Variants in NHLRC2 observed in about 807,000 individuals in gnomAD.
The protein encoded by NHLRC2 is NHL repeat containing 2.
NHLRC2 carries 33 observed loss-of-function variants against 68.1 expected under a neutral mutation model. That is an observed-to-expected ratio of 0.48 (90% CI 0.37 to 0.65). NHLRC2 has a LOEUF of 0.65. Ranked by LOEUF, NHLRC2 falls within the 30% of genes least tolerant of loss-of-function variation. The pLI is 0.00. For synonymous variants in NHLRC2, 311 were observed against 309.6 expected, an observed-to-expected ratio of 1.00 and a Z score of -0.05; for missense variants, 761 against 853.8, an observed-to-expected ratio of 0.89 and a Z score of 1.35.
chr10:113,872,291 C>T (rs982996818), intron 2 of NHLRC2, among the ~76,000 whole-genome samples: 1 of 151,994 alleles, frequency 6.6e-6, no homozygotes, highest in African/African-American at 2.4e-5. Context: ...TATATCAACC[C>T]CTCCTTACAC....
At chr10:113,855,634 G>GTTGTT (rs370457817) in intron 1 of NHLRC2, among the ~76,000 whole-genome samples, 7,405 of 151,182 alleles carry the variant, frequency 0.049, 374 homozygotes, top group African/African-American at 0.12. Context: ...CGCCTGGCTA[G>GTTGTT]TTGTTTTGTT....
At chr10:113,879,465 C>T in intron 3 of NHLRC2, 109 bp from the exon 4 acceptor site, 2 of 951,416 alleles carry the variant, frequency 2.1e-6, no homozygotes, top group East Asian at 2.8e-5. Context: ...TTTAGATGGA[C>T]ATACCATTTT....
At position 113,908,651 on chromosome 10, in the gene NHLRC2, G is replaced by T. The variant is rs1233817855; in HGVS notation, c.*115G>T. On this transcript the variant is annotated 3_prime_UTR_variant, in exon 11 of 11. Transcript: ENST00000369301. ...GCCTCTGGATACCAAGATGCCCATT[G>T]CTCAGTTCAGACAACTGATATTAAA... The T allele has an allele frequency of 1.1e-6, 1 of 888,004 alleles. No individual in the cohort carries two copies. Among genetic ancestry groups the T allele is most frequent in the Non-Finnish European group, 1.7e-6 (1 of 573,872 alleles). 55.0% of individuals were successfully genotyped at this position (888,004 alleles called of 1,614,324 possible). A position where few individuals can be genotyped will look rare whatever the true frequency, so the allele number is the denominator to read the frequency against.
At chr10:113,855,514 C>T (rs1275663778) in intron 1 of NHLRC2, among the ~76,000 whole-genome samples, 1 of 151,978 alleles carries the variant, frequency 6.6e-6, no homozygotes, top group Admixed American at 6.6e-5. Context: ...GTCTCCCAGG[C>T]TGGAGTACAG....
At chr10:113,904,353 AAC>A (rs1425998815) in intron 9 of NHLRC2, among the ~76,000 whole-genome samples, 3 of 152,152 alleles carry the variant, frequency 2.0e-5, no homozygotes, top group South Asian at 2.1e-4. Context: ...AAAAAAATGC[AAC>A]AGTTTTTTTC....
chr10:113,913,940 C>G lies in NHLRC2; in HGVS notation c.*5404C>G, dbSNP rs563947732. ...TCAGCTCACTGCAGGCTCCACCTAC[C>G]GGGTTCAAGTGATCCTCCTGCCTCA... On this transcript the variant is annotated 3_prime_UTR_variant, in exon 11 of 11. Transcript: ENST00000369301. The G allele has an allele frequency of 1.3e-5, 2 of 150,594 alleles. No individual in the cohort carries two copies. The highest frequency in any genetic ancestry group is 3.0e-5 in the Non-Finnish European group (2 of 67,748). The allele number at this position is 150,594 out of a possible 1,614,324, so 9.3% of individuals were successfully genotyped here. A position where few individuals can be genotyped will look rare whatever the true frequency, so the allele number is the denominator to read the frequency against.
At position 113,870,374 on chromosome 10, in the gene NHLRC2, T is replaced by A. The variant is rs572469995; in HGVS notation, c.332-6147T>A. On this transcript the variant is annotated intron_variant, in intron 2 of 10. Transcript: ENST00000369301. ...ATATTTTTTAAAATTTCCTTTTTTT[T>A]AAAACAAAAGGTGACATACTGTAGA... 9.9e-4 allele frequency among the ~76,000 whole-genome samples: 151 copies of A among 152,296 alleles called. 1 individual carries two copies. Among genetic ancestry groups the A allele is most frequent in the Admixed American group, 2.0e-3 (31 of 15,308 alleles).
At chr10:113,856,883 T>TA (rs1845764615) in intron 1 of NHLRC2, among the ~76,000 whole-genome samples, 1 of 152,196 alleles carries the variant, frequency 6.6e-6, no homozygotes, top group Non-Finnish European at 1.5e-5. Flanking sequence ...TTAGAAGACT[T>TA]ACATGTTTAT....
intron 7 of NHLRC2, 95 bp downstream of exon 7, chr10:113,901,992 T>C (rs1846233672): frequency 1.2e-6 from 1 of 860,294 alleles, no homozygotes; most frequent in African/African-American, 1.7e-5. Context: ...AGAGAGACCA[T>C]CCTTGGCCTA....
rs1435710398 is a variant in NHLRC2 at position 113,903,749 on chromosome 10, A to G, written c.1704+13A>G. The G allele has an allele frequency of 7.3e-7, 1 of 1,371,228 alleles. No homozygotes were observed. The highest frequency in any genetic ancestry group is 1.0e-6 in the Non-Finnish European group (1 of 961,300). 84.9% of individuals were successfully genotyped at this position (1,371,228 alleles called of 1,614,324 possible). ...AATGGTATCTGTGGTAAGTAATTTT[A>G]AAATATAAGTTAAAGAATGTGGTTT... On this transcript the variant is annotated intron_variant, in intron 9 of 10. Transcript: ENST00000369301.
chr10:113,904,499 T>G (rs1846256505), intron 9 of NHLRC2, among the ~76,000 whole-genome samples: 1 of 152,202 alleles, frequency 6.6e-6, no homozygotes, highest in South Asian at 2.1e-4. Context: ...CAATGAAAAT[T>G]ATAAGAAAAT....
At chr10:113,879,470 C>A in intron 3 of NHLRC2, 104 bp from the exon 4 acceptor site, 1 of 1,031,604 alleles carries the variant, frequency 9.7e-7, no homozygotes, top group Non-Finnish European at 1.4e-6. Flanking sequence ...ATGGACATAC[C>A]ATTTTTTTAT....
At chr10:113,855,607 A>G (rs1193602667) in intron 1 of NHLRC2, among the ~76,000 whole-genome samples, 3 of 152,030 alleles carry the variant, frequency 2.0e-5, no homozygotes, top group South Asian at 2.1e-4. Flanking sequence ...AGCTGGGACT[A>G]CAGGCCCGCG....
At chr10:113,900,136 G>T (rs1846215544) in intron 6 of NHLRC2, among the ~76,000 whole-genome samples, 1 of 152,082 alleles carries the variant, frequency 6.6e-6, no homozygotes, top group Non-Finnish European at 1.5e-5. Context: ...GTACTTTTAG[G>T]GATCTGAATA....
rs1475785540 is a variant in NHLRC2, at chr10:113,879,609, G to A, written c.823G>A (p.Glu275Lys). The A allele has an allele frequency of 1.9e-6, 3 of 1,600,776 alleles. No homozygotes were observed. The highest frequency in any genetic ancestry group is 1.1e-5 in the South Asian group (1 of 89,120). The change falls in exon 4 of 11, where the codon GAA becomes AAA. Residue 275 changes from glutamate (E) to lysine (K), a missense_variant. Physicochemically the swap from Glu to Lys is moderately conservative, Grantham distance 56 (BLOSUM62 1). Coordinates refer to ENST00000369301, the MANE Select transcript of NHLRC2 (RefSeq NM_198514.4). ...NPGRKDGIFS[E>K]STFNSPQGVA... ...TGGAAGAAAAGATGGAATATTTTCA[G>A]AATCAACTTTTAATTCTCCACAGGG...
chr10:113,877,299 G>A (rs993270265), intron 3 of NHLRC2, among the ~76,000 whole-genome samples: 3 of 147,620 alleles, frequency 2.0e-5, no homozygotes, highest in Non-Finnish European at 3.0e-5. Flanking sequence ...GAAAACATAC[G>A]TTTTGGATTT....
At chr10:113,900,232 G>A (rs1846216131) in intron 6 of NHLRC2, among the ~76,000 whole-genome samples, 1 of 152,204 alleles carries the variant, frequency 6.6e-6, no homozygotes, top group Non-Finnish European at 1.5e-5. Context: ...AGCACTCAGA[G>A]TGGAACAAGA....
Position 113,901,816 on chromosome 10 carries a change from TAGTG to T in NHLRC2, c.1293_1296del (p.Ser431ArgfsTer5). 1 of 1,614,152 alleles carries T rather than the reference TAGTG, an allele frequency of 6.2e-7. No homozygotes were observed. The highest frequency in any genetic ancestry group is 8.5e-7 in the Non-Finnish European group (1 of 1,180,008). On this transcript the variant is annotated frameshift_variant, in exon 7 of 11. Transcript: ENST00000369301. LOFTEE classifies it high-confidence loss of function. ...CCTGGAGCTGCTTGTTTGTAGCAGA[TAGTG>T]AGAGCAGTACAGTGAGAACCGTTTC...
chr10:113,897,786 T>C lies in NHLRC2; in HGVS notation c.1040-324T>C, dbSNP rs192288108. Reference sequence around the variant, plus strand: ...ATGTCATGTAAAATAAGAAATCAGATGTTTAAAACATTGTTAATGCTCGTT... The same window carrying C: ...ATGTCATGTAAAATAAGAAATCAGACGTTTAAAACATTGTTAATGCTCGTT... On this transcript the variant is annotated intron_variant, in intron 5 of 10. Transcript: ENST00000369301. Among the ~76,000 whole-genome samples the C allele has an allele frequency of 8.7e-3, 1,323 of 152,204 alleles. 24 individuals are homozygous for C. The highest frequency in any genetic ancestry group is 0.029 in the African/African-American group (1,221 of 41,448).
Sources: allele counts gnomAD v4.1 joint callset (sites outside exome capture counted in the v4.1 genomes callset), GRCh38; gene constraint gnomAD v4.1.1; transcripts MANE v1.5; gene names NCBI Gene and HGNC (gene_info 2026-07-23, HGNC 2026-07-21).